The following ACTR3B variants were observed in gnomAD, a reference collection of about 807,000 sequenced individuals.
ACTR3B encodes the protein actin related protein 3B, also known as actin-related protein 3B.
A neutral mutation model predicts 59.0 loss-of-function variants in ACTR3B; 8 were observed. That is an observed-to-expected ratio of 0.14 (90% CI 0.08 to 0.24). The LOEUF (loss-of-function observed/expected upper bound fraction) is 0.24, where lower values mean the gene tolerates loss of function less well. Ranked by LOEUF, ACTR3B falls within the 10% of genes least tolerant of loss-of-function variation. The probability of loss-of-function intolerance (pLI) is 1.00; values close to 1 mark genes in which losing one functional copy is unlikely to be tolerated. For synonymous variants in ACTR3B, 148 were observed against 197.9 expected (o/e 0.75, Z 2.12); for missense variants, 245 against 552.3 (o/e 0.44, Z 5.58).
intron 1 of ACTR3B, among the ~76,000 whole-genome samples, chr7:152,780,234 C>G (rs1391056989): frequency 6.6e-6 from 1 of 151,444 alleles, no homozygotes; most frequent in Non-Finnish European, 1.5e-5. Flanking sequence ...GCCTGTAATT[C>G]CAGCTACTGA....
intron 4 of ACTR3B, among the ~76,000 whole-genome samples, chr7:152,807,245 C>A (rs1433046967): frequency 1.3e-5 from 2 of 152,132 alleles, no homozygotes; most frequent in Admixed American, 6.5e-5. Flanking sequence ...ATCTATGGGA[C>A]TTTTTATAGT....
At chr7:152,793,152 A>T (rs1590270960) in intron 2 of ACTR3B, among the ~76,000 whole-genome samples, 1 of 89,858 alleles carries the variant, frequency 1.1e-5, no homozygotes, top group African/African-American at 4.9e-5. Flanking sequence ...TGAATCTATT[A>T]GTTTATTTCT....
intron 2 of ACTR3B, among the ~76,000 whole-genome samples, chr7:152,790,699 G>A (rs1440709992): frequency 2.6e-5 from 4 of 151,906 alleles, no homozygotes; most frequent in Admixed American, 2.6e-4. Flanking sequence ...TTATTCTCTG[G>A]AACAGTTTGC....
At chr7:152,775,274 C>T (rs565955482) in intron 1 of ACTR3B, among the ~76,000 whole-genome samples, 2 of 150,358 alleles carry the variant, frequency 1.3e-5, no homozygotes, top group East Asian at 3.9e-4. Flanking sequence ...AATTAATTGA[C>T]CTTAGGGTCA....
chr7:152,837,985 G>A (rs1181740754), intron 9 of ACTR3B, among the ~76,000 whole-genome samples: 2 of 152,156 alleles, frequency 1.3e-5, no homozygotes, highest in East Asian at 3.9e-4. Flanking sequence ...GGGCGAGGGG[G>A]GAGGTATGCT....
chr7:152,761,455 T>C (rs1483530700), intron 1 of ACTR3B, among the ~76,000 whole-genome samples: 1 of 152,242 alleles, frequency 6.6e-6, no homozygotes, highest in South Asian at 2.1e-4. Context: ...AAAATAATGC[T>C]CACAGAGTTG....
chr7:152,772,986 T>A (rs1265385516), intron 1 of ACTR3B, among the ~76,000 whole-genome samples: 4 of 135,994 alleles, frequency 2.9e-5, no homozygotes, highest in African/African-American at 1.0e-4. Flanking sequence ...GAATACTGTT[T>A]CATTTTTTTG....
chr7:152,773,139 A>G (rs551383261), intron 1 of ACTR3B, among the ~76,000 whole-genome samples: 32 of 120,034 alleles, frequency 2.7e-4, no homozygotes, highest in African/African-American at 8.9e-4. Context: ...AAGGAATAGT[A>G]CAAAAGTTAA....
intron 4 of ACTR3B, among the ~76,000 whole-genome samples, chr7:152,809,330 G>A (rs1333048669): frequency 6.6e-6 from 1 of 151,606 alleles, no homozygotes; most frequent in East Asian, 1.9e-4. Flanking sequence ...TTGGTAGGTA[G>A]ATTTGCTTGC....
intron 1 of ACTR3B, among the ~76,000 whole-genome samples, chr7:152,760,376 C>T (rs2098085717): frequency 1.3e-5 from 2 of 152,246 alleles, no homozygotes; most frequent in South Asian, 4.1e-4. Context: ...AACGGTGTCC[C>T]TGCCTTCCAG....
chr7:152,847,237 C>T (rs1302055522), intron 9 of ACTR3B, among the ~76,000 whole-genome samples: 1 of 151,922 alleles, frequency 6.6e-6, no homozygotes, highest in Non-Finnish European at 1.5e-5. Context: ...CTCTAGTGCC[C>T]GGGGCTGCAG....
chr7:152,760,683 T>C (rs2098086838), intron 1 of ACTR3B, among the ~76,000 whole-genome samples: 1 of 152,234 alleles, frequency 6.6e-6, no homozygotes, highest in Non-Finnish European at 1.5e-5. Flanking sequence ...GGTTTTTGTT[T>C]TTAACTTTTT....
In ACTR3B at chr7:152,814,593, C is replaced by G. The variant is rs1435360145; in HGVS notation, c.380C>G (p.Ala127Gly). The G allele has an allele frequency of 6.2e-7, 1 of 1,613,426 alleles. No homozygotes were observed. The highest frequency in any genetic ancestry group is 1.7e-5 in the Admixed American group (1 of 59,960). The part of the protein sequence containing the change: ...LNTPENREYL[A>G]EIMFESFNVP... The stretch of plus-strand genomic sequence containing the variant: ...ACACCAGAAAACAGAGAGTATCTTG[C>G]AGAAATTATGTTTGAATCATTTAAC... The change falls in exon 5 of 12, where the codon GCA (alanine) becomes GGA (glycine). Residue 127 changes from alanine (A) to glycine (G), a missense_variant. Ala to Gly is a moderately conservative substitution (Grantham distance 60). Around this residue, in one of 7 missense-constraint regions of ACTR3B, gnomAD observed 40 missense variants for 70.4 expected, o/e 0.57. Coordinates refer to ENST00000256001, the MANE Select transcript of ACTR3B (RefSeq NM_020445.6).
In ACTR3B at chr7:152,805,021, C is replaced by T. The variant is rs930011589; in HGVS notation, c.336+3290C>T. ...TTGTATCACTCATGGAGTTATTTCG[C>T]CTGCTCTCATATTTGGCCTCATTGT... On this transcript the variant is annotated intron_variant, in intron 4 of 11. Coordinates refer to ENST00000256001, the MANE Select transcript of ACTR3B (RefSeq NM_020445.6). 1.0e-3 allele frequency among the ~76,000 whole-genome samples: 156 copies of T among 152,008 alleles called. 2 individuals carry two copies. The highest frequency in any genetic ancestry group is 3.1e-4 in the Non-Finnish European group (21 of 68,014).
intron 2 of ACTR3B, among the ~76,000 whole-genome samples, chr7:152,785,255 G>T (rs1397890759): frequency 1.3e-5 from 2 of 149,848 alleles, no homozygotes; most frequent in Non-Finnish European, 3.0e-5. Context: ...CTGTCAAAAA[G>T]CAGGAGAGCT....
intron 2 of ACTR3B, among the ~76,000 whole-genome samples, chr7:152,790,044 G>A (rs184878533): frequency 2.2e-3 from 306 of 142,324 alleles, no homozygotes; most frequent in African/African-American, 7.8e-3. Context: ...TAAGGCTGGA[G>A]TGTAGTGGCT....
intron 1 of ACTR3B, among the ~76,000 whole-genome samples, chr7:152,768,183 A>C (rs1188565447): frequency 6.6e-6 from 1 of 152,250 alleles, no homozygotes; most frequent in Non-Finnish European, 1.5e-5. Flanking sequence ...AGATTGAGCC[A>C]CTGTACTCCA....
intron 9 of ACTR3B, among the ~76,000 whole-genome samples, chr7:152,833,045 C>T (rs1306780999): frequency 2.0e-5 from 3 of 152,032 alleles, no homozygotes; most frequent in African/African-American, 7.3e-5. Context: ...AGCCAGGGGG[C>T]CCTGTTAAGT....
At chr7:152,760,827 A>AT (rs1178739904) in intron 1 of ACTR3B, among the ~76,000 whole-genome samples, 1 of 152,152 alleles carries the variant, frequency 6.6e-6, no homozygotes, top group Admixed American at 6.5e-5. Flanking sequence ...TAGTTTGGGA[A>AT]TACAAGCTTG....
Sources: gnomAD v4.1 joint callset for allele counts (sites outside exome capture counted in the v4.1 genomes callset) on GRCh38, gnomAD v4.1.1 for gene constraint, gnomAD v4.1.1 regional missense constraint, MANE v1.5 for transcripts, NCBI Gene and HGNC (gene_info 2026-07-23, HGNC 2026-07-21) for gene names.